The following GRIP1 variants were observed in gnomAD, a reference collection of about 807,000 sequenced individuals.
GRIP1 encodes glutamate receptor interacting protein 1.
In GRIP1, 45 loss-of-function variants were observed where a neutral mutation model predicts 129.9. That is an observed-to-expected ratio of 0.35 (90% CI 0.27 to 0.44). The LOEUF is 0.44. GRIP1 is among the 20% of genes least tolerant of loss of function. The pLI, the probability that GRIP1 is intolerant of heterozygous loss-of-function variation, is 1.00. For missense variants in GRIP1, 1,196 were observed against 1,396.8 expected, an observed-to-expected ratio of 0.86 and a Z score of 2.29; for synonymous variants, 530 against 520.8, an observed-to-expected ratio of 1.02 and a Z score of -0.24.
At chr12:66,363,404 CTT>C (rs565776414) in intron 23 of GRIP1, among the ~76,000 whole-genome samples, 2 of 133,458 alleles carry the variant, frequency 1.5e-5, no homozygotes, top group African/African-American at 2.7e-5. Context: ...CCACATCTGG[CTT>C]TTTTTTTTTT....
At chr12:66,890,998 G>A (rs2040649289) in intron 1 of GRIP1, among the ~76,000 whole-genome samples, 1 of 152,176 alleles carries the variant, frequency 6.6e-6, no homozygotes, top group Admixed American at 6.5e-5. Context: ...GTAAAGTGTT[G>A]CTATATTTTA....
At chr12:67,027,943 T>C (rs533096069) in intron 1 of GRIP1, among the ~76,000 whole-genome samples, 2 of 152,018 alleles carry the variant, frequency 1.3e-5, no homozygotes, top group African/African-American at 4.8e-5. Flanking sequence ...GGGGAAGGAA[T>C]TGGAAGAGGG....
chr12:66,349,984 T>C (rs895780710), intron 24 of GRIP1, among the ~76,000 whole-genome samples: 1 of 152,010 alleles, frequency 6.6e-6, no homozygotes, highest in Admixed American at 6.6e-5. Flanking sequence ...AGGTCCTCCC[T>C]GACACATTGC....
chr12:66,977,859 T>C (rs970783613), intron 1 of GRIP1, among the ~76,000 whole-genome samples: 2 of 148,442 alleles, frequency 1.3e-5, no homozygotes, highest in East Asian at 2.0e-4. Context: ...TTCATCCAGT[T>C]TGGAGTACAG....
chr12:66,679,751 C>T (rs967021180), upstream of GRIP1, among the ~76,000 whole-genome samples: 5 of 152,178 alleles, frequency 3.3e-5, no homozygotes, highest in Non-Finnish European at 7.4e-5. Flanking sequence ...TAAAGGCAAA[C>T]AAGGCCAAGT....
At chr12:66,455,929 G>A (rs749407166) in intron 10 of GRIP1, among the ~76,000 whole-genome samples, 1 of 152,168 alleles carries the variant, frequency 6.6e-6, no homozygotes, top group Non-Finnish European at 1.5e-5. Context: ...AAGAAGACCT[G>A]AGAACATTGT....
intron 7 of GRIP1, among the ~76,000 whole-genome samples, chr12:66,466,690 C>G (rs926891619): frequency 6.6e-6 from 1 of 152,130 alleles, no homozygotes; most frequent in Non-Finnish European, 1.5e-5. Context: ...ATGAACAAAG[C>G]ACTTTGTTAT....
intron 1 of GRIP1, among the ~76,000 whole-genome samples, chr12:66,974,056 T>G (rs181796043): frequency 0.011 from 1,650 of 151,314 alleles, 31 homozygotes; most frequent in African/African-American, 0.038. Flanking sequence ...CCTGAGTAGG[T>G]GGGGATTACA....
intron 9 of GRIP1, among the ~76,000 whole-genome samples, chr12:66,462,500 TTCC>T (rs1393991269): frequency 1.3e-5 from 2 of 152,186 alleles, no homozygotes; most frequent in Non-Finnish European, 2.9e-5. Flanking sequence ...TGAAAATTTT[TTCC>T]TCGATGTTAG....
At chr12:66,410,269 A>G (rs1354315898) in intron 15 of GRIP1, among the ~76,000 whole-genome samples, 1 of 148,860 alleles carries the variant, frequency 6.7e-6, no homozygotes, top group African/African-American at 2.5e-5. Context: ...AAAAAAAAAA[A>G]AAGAAGAGAT....
intron 9 of GRIP1, among the ~76,000 whole-genome samples, chr12:66,460,627 T>A (rs1484465271): frequency 6.6e-6 from 1 of 152,234 alleles, no homozygotes; most frequent in Non-Finnish European, 1.5e-5. Flanking sequence ...GCTAATCTCT[T>A]ATCCCAAGTT....
rs1242288124 is a variant in GRIP1, at chr12:66,580,204, T to G, written c.136+16643A>C. On this transcript the variant is annotated intron_variant, in intron 2 of 24. Coordinates refer to ENST00000359742, the MANE Select transcript of GRIP1 (RefSeq NM_001366722.1). ...ATAAAATACTTTACAGACAAGCAAATGCTGAGAGATTTTGTCACCACCAGG... is the reference window on the plus strand; with the variant it reads ...ATAAAATACTTTACAGACAAGCAAAGGCTGAGAGATTTTGTCACCACCAGG... Among the ~76,000 whole-genome samples, 3 of 148,276 alleles carry G rather than the reference T, an allele frequency of 2.0e-5. No homozygotes were observed. The Admixed American group carries it at 2.0e-4, about 10-fold the overall frequency.
Position 66,432,591 on chromosome 12 carries a change from C to A in GRIP1, c.1725G>T (p.Lys575Asn), listed in dbSNP as rs776332147. 6.2e-7 allele frequency: 1 copy of A among 1,605,462 alleles called. No individual in the cohort carries two copies. The highest frequency in any genetic ancestry group is 1.3e-5 in the African/African-American group (1 of 74,860). Residue 575 changes from lysine to asparagine, a missense_variant, in exon 14 of 25, where the codon AAG becomes AAT. By Grantham distance (94) the Lys-to-Asn change is moderately conservative. Transcript: ENST00000359742. ...VIPSSGTFHV[K>N]LPKKHNVELG... Reference sequence around the variant, plus strand: ...GTTCCACATTGTGCTTCTTAGGCAGCTTTACATGAAATGTTCCACTACTTG... The same window carrying A: ...GTTCCACATTGTGCTTCTTAGGCAGATTTACATGAAATGTTCCACTACTTG...
chr12:67,044,488 T>C (rs909621831), intron 1 of GRIP1, among the ~76,000 whole-genome samples: 3 of 152,234 alleles, frequency 2.0e-5, no homozygotes, highest in African/African-American at 7.2e-5. Flanking sequence ...CTTACAGATT[T>C]TTCTAAGTGG....
At chr12:66,921,215 A>T (rs534977747) in intron 1 of GRIP1, among the ~76,000 whole-genome samples, 18 of 152,228 alleles carry the variant, frequency 1.2e-4, no homozygotes, top group Non-Finnish European at 2.4e-4. Context: ...CCTCCGACCT[A>T]ATATGTTGTC....
At chr12:66,757,261 C>T (rs1278405820) in intron 1 of GRIP1, among the ~76,000 whole-genome samples, 2 of 152,066 alleles carry the variant, frequency 1.3e-5, no homozygotes, top group Non-Finnish European at 2.9e-5. Flanking sequence ...CTCTCCCAGC[C>T]TCTGGTAACC....
At chr12:66,603,273 C>A (rs902993704) in intron 1 of GRIP1, among the ~76,000 whole-genome samples, 1 of 151,700 alleles carries the variant, frequency 6.6e-6, no homozygotes, top group African/African-American at 2.4e-5. Flanking sequence ...TTCTAATTAA[C>A]CATAATCTGA....
chr12:66,408,135 T>A (rs1302598844), intron 15 of GRIP1, among the ~76,000 whole-genome samples: 1 of 152,142 alleles, frequency 6.6e-6, no homozygotes, highest in African/African-American at 2.4e-5. Context: ...AAGGACCCAG[T>A]CCTGGCAGCA....
At chr12:66,853,572 T>A (rs1308772923) in intron 1 of GRIP1, among the ~76,000 whole-genome samples, 3 of 152,046 alleles carry the variant, frequency 2.0e-5, no homozygotes, top group African/African-American at 7.2e-5. Flanking sequence ...GTCAACCCCA[T>A]TCTGAAGAAT....
Sources: allele counts gnomAD v4.1 joint callset (sites outside exome capture counted in the v4.1 genomes callset), GRCh38; gene constraint gnomAD v4.1.1; transcripts MANE v1.5; gene names NCBI Gene and HGNC (gene_info 2026-07-23, HGNC 2026-07-21).